Variants in ANKRD11 observed in about 807,000 individuals in gnomAD.
ANKRD11 encodes the protein ankyrin repeat domain 11.
ANKRD11 carries 17 observed loss-of-function variants against 195.7 expected under a neutral mutation model. The ratio of observed to expected loss-of-function variants is 0.09; its 90% confidence interval spans 0.06 to 0.13. ANKRD11 has a LOEUF of 0.13. ANKRD11 is among the 10% of genes least tolerant of loss of function. ANKRD11 has a pLI of 1.00. For missense variants in ANKRD11, 3,735 were observed against 3,566.1 expected, an observed-to-expected ratio of 1.05 and a Z score of -1.21; for synonymous variants, 1,953 against 1,528.1, an observed-to-expected ratio of 1.28 and a Z score of -6.49.
Position 89,282,456 on chromosome 16 carries a change from G to A in ANKRD11, c.4086C>T (p.Asp1362=). 1 of 1,613,980 alleles carries A rather than the reference G, an allele frequency of 6.2e-7. No homozygotes were observed. Among genetic ancestry groups the A allele is most frequent in the Non-Finnish European group, 8.5e-7 (1 of 1,180,012 alleles). Residue 1362 remains aspartate (D), a synonymous_variant, in exon 9 of 13, where the codon GAC becomes GAT. Coordinates refer to ENST00000301030, the MANE Select transcript of ANKRD11 (RefSeq NM_013275.6). ...CCTTCTCTTTCTTGGCTCGCTCTCG[G>A]TCGTGGCTCTTCTTGGATGAAGATG... ...HSSSSSKKSH[D]RERAKKEKAE...
intron 2 of ANKRD11, among the ~76,000 whole-genome samples, chr16:89,355,304 G>A (rs893432133): frequency 3.9e-5 from 6 of 152,040 alleles, no homozygotes; most frequent in African/African-American, 7.3e-5. Context: ...GAAGGCGGGC[G>A]GACGGCTCAC....
chr16:89,468,802 G>A (rs1268438912), intron 1 of ANKRD11, among the ~76,000 whole-genome samples: 1 of 152,228 alleles, frequency 6.6e-6, no homozygotes, highest in Non-Finnish European at 1.5e-5. Flanking sequence ...CCTGCTGGAT[G>A]TTGAAACGTA....
At chr16:89,430,726 T>C (rs1458228663) in intron 1 of ANKRD11, among the ~76,000 whole-genome samples, 2 of 152,216 alleles carry the variant, frequency 1.3e-5, no homozygotes, top group African/African-American at 4.8e-5. Context: ...GAAACACTAC[T>C]TTTCCATTTC....
chr16:89,314,478 C>T (rs140101173), intron 3 of ANKRD11, among the ~76,000 whole-genome samples: 105 of 152,268 alleles, frequency 6.9e-4, no homozygotes, highest in African/African-American at 2.3e-3. Flanking sequence ...GCTGGGGCTG[C>T]CGGCAAATCA....
At chr16:89,466,079 A>C (rs891525693) in intron 1 of ANKRD11, among the ~76,000 whole-genome samples, 1 of 152,112 alleles carries the variant, frequency 6.6e-6, no homozygotes, top group Non-Finnish European at 1.5e-5. Flanking sequence ...TTGTGTCATA[A>C]ACTCAACAAG....
At position 89,275,060 on chromosome 16, in the gene ANKRD11, G is replaced by A. The variant is rs368616338; in HGVS notation, c.7569+33C>T. The A allele has an allele frequency of 5.7e-4, 915 of 1,612,196 alleles. 13 individuals carry two copies. In the South Asian group the frequency reaches 9.2e-3, roughly 16 times the overall value. ...GCCTGCGCCGTGAAAAGCCCTGGCC[G>A]TGGCGCCCCCCTGCCTGTGCCAGCC... On this transcript the variant is annotated intron_variant, in intron 10 of 12. Transcript: ENST00000301030.
intron 1 of ANKRD11, among the ~76,000 whole-genome samples, chr16:89,481,773 C>G (rs1330411236): frequency 6.6e-6 from 1 of 152,158 alleles, no homozygotes; most frequent in Non-Finnish European, 1.5e-5. Context: ...CTTTCGTGTT[C>G]AGACACGTCT....
chr16:89,303,333 G>A (rs1199812144), intron 4 of ANKRD11, among the ~76,000 whole-genome samples: 1 of 152,322 alleles, frequency 6.6e-6, no homozygotes, highest in East Asian at 1.9e-4. Flanking sequence ...GCAAACACAG[G>A]GTTTCAGGCC....
rs142005632 is a variant in ANKRD11, at chr16:89,283,119, G to A, written c.3423C>T (p.Ser1141=). ...MGSGFKMGEA[S]DLPRTDGLQE... ...GGAGGCCGTCCGTCCTCGGCAAGTC[G>A]CTGGCCTCTCCCATCTTGAACCCGC... Residue 1141 remains serine, a synonymous_variant, in exon 9 of 13, where the codon AGC becomes AGT. Coordinates refer to ENST00000301030, the MANE Select transcript of ANKRD11 (RefSeq NM_013275.6). This position sits in a 1 kb window ranked among gnomAD's most constrained non-coding sequence, Gnocchi z 4.3. 665 of 1,613,748 alleles carry A rather than the reference G, an allele frequency of 4.1e-4. 2 individuals are homozygous for A. The highest frequency in any genetic ancestry group is 2.3e-3 in the Middle Eastern group (14 of 6,062).
chr16:89,300,563 T>C, intron 4 of ANKRD11: 1 of 348,208 alleles, frequency 2.9e-6, no homozygotes, highest in Non-Finnish European at 5.2e-6. Context: ...ACTTGTCGCC[T>C]CTAGCACTGG....
chr16:89,376,908 G>A lies in ANKRD11; in HGVS notation c.-60+41376C>T, dbSNP rs548820981. On this transcript the variant is annotated intron_variant, in intron 2 of 12. Coordinates refer to ENST00000301030, the MANE Select transcript of ANKRD11 (RefSeq NM_013275.6). Reference sequence around the variant, plus strand: ...TGCAGTAGGGTTTATGATAAGGACTGCCTTTATCTATAAAGCTGCCTACCT... The same window carrying A: ...TGCAGTAGGGTTTATGATAAGGACTACCTTTATCTATAAAGCTGCCTACCT... 8.5e-5 allele frequency among the ~76,000 whole-genome samples: 13 copies of A among 152,314 alleles called. No individual in the cohort carries two copies. In the South Asian group the frequency reaches 2.3e-3, roughly 27 times the overall value.
chr16:89,281,448 G>T lies in ANKRD11; in HGVS notation c.5094C>A (p.Ser1698Arg). 6.2e-7 allele frequency: 1 copy of T among 1,613,778 alleles called. No individual in the cohort carries two copies. Among genetic ancestry groups the T allele is most frequent in the Non-Finnish European group, 8.5e-7 (1 of 1,179,744 alleles). Residue 1698 changes from serine to arginine, a missense_variant, in exon 9 of 13, where the codon AGC (serine) becomes AGA (arginine). By Grantham distance (110) the Ser-to-Arg change is moderately radical (BLOSUM62 -1). Transcript: ENST00000301030. This position sits in a 1 kb window ranked among gnomAD's most constrained non-coding sequence, Gnocchi z 5.5. The part of the protein sequence containing the change: ...VLPASPRPDQ[S>R]RPTGVPTPTS... Reference sequence around the variant, plus strand: ...TAGGGGTGGGCACGCCAGTGGGCCGGCTCTGGTCAGGCCTGGGGGACGCAG... The same window carrying T: ...TAGGGGTGGGCACGCCAGTGGGCCGTCTCTGGTCAGGCCTGGGGGACGCAG...
At chr16:89,377,424 T>A (rs998797108) in intron 2 of ANKRD11, among the ~76,000 whole-genome samples, 2 of 151,650 alleles carry the variant, frequency 1.3e-5, no homozygotes, top group Non-Finnish European at 2.9e-5. Flanking sequence ...TTCCACAGGG[T>A]TTACAACAGC....
rs559437354 is a variant in ANKRD11 at position 89,282,399 on chromosome 16, C to T, written c.4143G>A (p.Lys1381=). Residue 1381 remains lysine (K), a synonymous_variant, in exon 9 of 13, where the codon AAG becomes AAA. Transcript: ENST00000301030. Reference sequence around the variant, plus strand: ...CGGAGTCCTTCCTGCTACCGCCCTCCTTGTAATCTTCGCCCTTCTCTTTCT... The same window carrying T: ...CGGAGTCCTTCCTGCTACCGCCCTCTTTGTAATCTTCGCCCTTCTCTTTCT... ...AEKKEKGEDY[K]EGGSRKDSGQ... 3 of 1,614,212 alleles carry T rather than the reference C, an allele frequency of 1.9e-6. No individual in the cohort carries two copies. In the East Asian group the frequency reaches 6.7e-5, roughly 36 times the overall value.
intron 1 of ANKRD11, among the ~76,000 whole-genome samples, chr16:89,470,632 T>TTAGC (rs1346267749): frequency 6.6e-6 from 1 of 151,724 alleles, no homozygotes. Context: ...GATCACAAGG[T>TTAGC]CAGGAGATCG....
chr16:89,333,935 G>A (rs2038198315), intron 2 of ANKRD11, among the ~76,000 whole-genome samples: 3 of 152,092 alleles, frequency 2.0e-5, no homozygotes, highest in Admixed American at 2.0e-4. Context: ...ACTGGAAGCA[G>A]TCAGGACAAT....
rs1313576374 is a variant in ANKRD11 at position 89,384,479 on chromosome 16, G to GAATGGGACGAGATGGA, written c.-60+33789_-60+33804dup. Among the ~76,000 whole-genome samples the GAATGGGACGAGATGGA allele has an allele frequency of 9.5e-3, 1,440 of 152,040 alleles. 21 individuals carry two copies. The highest frequency in any genetic ancestry group is 0.033 in the African/African-American group (1,349 of 41,412). On this transcript the variant is annotated intron_variant, in intron 2 of 12. Coordinates refer to ENST00000301030, the MANE Select transcript of ANKRD11 (RefSeq NM_013275.6). ...GATGAAATGGGACAGGACAAGATGG[G>GAATGGGACGAGATGGA]AATGGGACGAGATGGAAATGGGACA...
intron 2 of ANKRD11, among the ~76,000 whole-genome samples, chr16:89,382,629 A>T (rs1377810354): frequency 6.6e-6 from 1 of 151,128 alleles, no homozygotes; most frequent in East Asian, 2.0e-4. Context: ...GAGCCACCAC[A>T]CTTGGCCGAC....
intron 1 of ANKRD11, among the ~76,000 whole-genome samples, chr16:89,487,947 G>A (rs1459729123): frequency 5.5e-5 from 6 of 108,630 alleles, no homozygotes; most frequent in Admixed American, 1.9e-4. Context: ...CCATCTGGGA[G>A]GGTGTGATGG....
Sources: allele counts gnomAD v4.1 joint callset (sites outside exome capture counted in the v4.1 genomes callset), GRCh38; gene constraint gnomAD v4.1.1; non-coding constraint Gnocchi (gnomAD v3.1); transcripts MANE v1.5; gene names NCBI Gene and HGNC (gene_info 2026-07-23, HGNC 2026-07-21).